Variants in NIPBL observed in about 807,000 individuals in gnomAD.
NIPBL encodes the protein NIPBL cohesin loading factor.
In NIPBL, 19 loss-of-function variants were observed where a neutral mutation model predicts 321.8. The observed-to-expected ratio is 0.06, with a 90% confidence interval of 0.04 to 0.09. The LOEUF (loss-of-function observed/expected upper bound fraction) is 0.09, where lower values mean the gene tolerates loss of function less well. NIPBL is among the 10% of genes least tolerant of loss of function. NIPBL has a pLI of 1.00. For synonymous variants in NIPBL, 1,106 were observed against 1,114.1 expected (o/e 0.99, Z 0.14); for missense variants, 2,210 against 3,327.0 (o/e 0.66, Z 8.26).
intron 1 of NIPBL, among the ~76,000 whole-genome samples, chr5:36,932,591 G>A (rs1200917643): frequency 6.6e-6 from 1 of 151,848 alleles, no homozygotes; most frequent in Non-Finnish European, 1.5e-5. Context: ...AGTGTCTTTT[G>A]TAGAAGTATA....
At chr5:37,055,601 G>T (rs562555939) in intron 42 of NIPBL, among the ~76,000 whole-genome samples, 47 of 152,162 alleles carry the variant, frequency 3.1e-4, no homozygotes, top group African/African-American at 1.1e-3. Context: ...ATGAAGGAAA[G>T]TGTGGGTAAT....
At chr5:36,972,102 C>A in intron 8 of NIPBL, 61 bp downstream of exon 8, 1 of 1,096,872 alleles carries the variant, frequency 9.1e-7, no homozygotes, top group Non-Finnish European at 1.4e-6. Flanking sequence ...ATAAAGAACT[C>A]AGACTTCCTA....
At chr5:37,003,409 C>A (rs993438849) in intron 16 of NIPBL, 62 bp downstream of exon 16, 2 of 906,882 alleles carry the variant, frequency 2.2e-6, no homozygotes, top group African/African-American at 1.6e-5. Context: ...ATAGTAGTCC[C>A]CCACTTCTCT....
At chr5:37,003,165 C>A in intron 15 of NIPBL, 96 bp from the exon 16 acceptor site, 1 of 787,406 alleles carries the variant, frequency 1.3e-6, no homozygotes, top group Non-Finnish European at 2.2e-6. Flanking sequence ...AATGCTATTT[C>A]CTCCATAGCT....
intron 32 of NIPBL, among the ~76,000 whole-genome samples, chr5:37,030,406 C>G (rs1480858944): frequency 6.6e-6 from 1 of 152,058 alleles, no homozygotes; most frequent in Non-Finnish European, 1.5e-5. Flanking sequence ...AGAGACATAA[C>G]TACTCTGAGC....
chr5:36,979,517 C>G (rs1308241953), intron 9 of NIPBL, among the ~76,000 whole-genome samples: 2 of 151,750 alleles, frequency 1.3e-5, no homozygotes, highest in Non-Finnish European at 2.9e-5. Flanking sequence ...AGTATGGGAT[C>G]ATGTCATCAG....
intron 1 of NIPBL, among the ~76,000 whole-genome samples, chr5:36,891,859 A>C (rs994875508): frequency 5.9e-5 from 9 of 152,188 alleles, no homozygotes; most frequent in African/African-American, 1.7e-4. Flanking sequence ...AACAAATATT[A>C]AAGAGTTAAT....
Position 36,940,983 on chromosome 5 carries a change from A to G in NIPBL, c.-79-12635A>G, listed in dbSNP as rs547705323. On this transcript the variant is annotated intron_variant, in intron 1 of 46. Transcript: ENST00000282516. ...CTCTAAGGTCTGTGAGGATATGTCTATTTGGTTTACCACTGTATCCTCAAC... is the reference window on the plus strand; with the variant it reads ...CTCTAAGGTCTGTGAGGATATGTCTGTTTGGTTTACCACTGTATCCTCAAC... Among the ~76,000 whole-genome samples, 38 of 152,252 alleles carry G rather than the reference A, an allele frequency of 2.5e-4. 1 individual carries two copies. The highest frequency in any genetic ancestry group is 2.3e-3 in the East Asian group (12 of 5,178).
intron 1 of NIPBL, among the ~76,000 whole-genome samples, chr5:36,910,541 C>T (rs1157879224): frequency 6.6e-6 from 1 of 152,154 alleles, no homozygotes; most frequent in Non-Finnish European, 1.5e-5. Context: ...TATCCTAGTT[C>T]ACTTCATACC....
Position 37,010,170 on chromosome 5 carries a change from T to C in NIPBL, c.4505T>C (p.Val1502Ala). 1 of 1,610,642 alleles carries C rather than the reference T, an allele frequency of 6.2e-7. No homozygotes were observed. The highest frequency in any genetic ancestry group is 1.3e-5 in the African/African-American group (1 of 74,996). ...ALVLQLIQCV[V>A]HLPSSEKDSN... is the part of the protein sequence containing the mutation. ...GTTTTACAACTTATTCAGTGTGTGGTACACTTACCATCATCAGAGAAGGAC... is the reference window on the plus strand; with the variant it reads ...GTTTTACAACTTATTCAGTGTGTGGCACACTTACCATCATCAGAGAAGGAC... Residue 1502 changes from valine to alanine, a missense_variant, in exon 21 of 47, where the codon GTA (valine) becomes GCA (alanine). Val to Ala is a moderately conservative substitution (Grantham distance 64). Around this residue, in one of 14 missense-constraint regions of NIPBL, gnomAD observed 381 missense variants for 642.3 expected, o/e 0.59. Coordinates refer to ENST00000282516, the MANE Select transcript of NIPBL (RefSeq NM_133433.4).
At chr5:36,913,427 G>A (rs186989571) in intron 1 of NIPBL, among the ~76,000 whole-genome samples, 214 of 139,668 alleles carry the variant, frequency 1.5e-3, no homozygotes, top group Non-Finnish European at 2.5e-3. Context: ...GTCTTGCTCC[G>A]TCTCCCAGGC....
At chr5:37,057,136 G>A (rs777654544) in intron 42 of NIPBL, 50 bp from the exon 43 acceptor site, 1 of 1,603,640 alleles carries the variant, frequency 6.2e-7, no homozygotes, top group South Asian at 1.1e-5. Flanking sequence ...TTTTTGGTTG[G>A]GTTTCTAGAT....
chr5:36,905,633 T>C (rs1474702731), intron 1 of NIPBL, among the ~76,000 whole-genome samples: 2 of 152,200 alleles, frequency 1.3e-5, no homozygotes, highest in African/African-American at 4.8e-5. Flanking sequence ...TATTTATTGG[T>C]TTAATTTATT....
At chr5:36,936,652 A>G (rs1174047708) in intron 1 of NIPBL, among the ~76,000 whole-genome samples, 3 of 152,112 alleles carry the variant, frequency 2.0e-5, no homozygotes, top group South Asian at 4.1e-4. Flanking sequence ...AATTCTCACT[A>G]CCATCCCATT....
At chr5:37,007,974 A>G (rs745320831) in intron 18 of NIPBL, 34 bp from the exon 19 acceptor site, 2 of 1,169,214 alleles carry the variant, frequency 1.7e-6, no homozygotes, top group Non-Finnish European at 2.6e-6. Flanking sequence ...AATCAACTAA[A>G]GGTGTATACT....
In NIPBL at chr5:37,049,250, C is replaced by G. The variant is rs1347092404; in HGVS notation, c.6903C>G (p.Ala2301=). 1 of 1,613,924 alleles carries G rather than the reference C, an allele frequency of 6.2e-7. No homozygotes were observed. Among genetic ancestry groups the G allele is most frequent in the East Asian group, 2.2e-5 (1 of 44,882 alleles). ...FHTQSSVRHF[A]LNVIALTLNQ... The stretch of plus-strand genomic sequence containing the variant: ...CCCAGTCAAGTGTACGCCACTTTGC[C>G]CTAAATGTCATTGCATTGACTCTAA... The change falls in exon 40 of 47, where the codon GCC becomes GCG. Residue 2301 remains alanine, a synonymous_variant. Coordinates refer to ENST00000282516, the MANE Select transcript of NIPBL (RefSeq NM_133433.4).
intron 32 of NIPBL, among the ~76,000 whole-genome samples, chr5:37,029,885 C>T (rs1354548111): frequency 6.6e-6 from 1 of 152,148 alleles, no homozygotes; most frequent in Non-Finnish European, 1.5e-5. Context: ...ATATATTTGG[C>T]ATCATTTCTT....
Position 37,038,708 on chromosome 5 carries a change from T to G in NIPBL, c.6078T>G (p.Thr2026=), listed in dbSNP as rs1221316261. ...AGCTCATGGTTAAACATGCAATGAC[T>G]ATGCAACCATACCTTACCACTAAAT... The part of the protein sequence containing the change: ...RPQLMVKHAM[T]MQPYLTTKCS... Residue 2026 remains threonine, a synonymous_variant, in exon 34 of 47, where the codon ACT becomes ACG. Coordinates refer to ENST00000282516, the MANE Select transcript of NIPBL (RefSeq NM_133433.4). 1.2e-6 allele frequency: 2 copies of G among 1,613,600 alleles called. No individual in the cohort carries two copies. The highest frequency in any genetic ancestry group is 2.7e-5 in the African/African-American group (2 of 74,912).
intron 1 of NIPBL, among the ~76,000 whole-genome samples, chr5:36,940,384 A>G (rs889596762): frequency 1.3e-5 from 2 of 152,184 alleles, no homozygotes; most frequent in Admixed American, 1.3e-4. Flanking sequence ...CTGTCAGGTC[A>G]GGAATGAACT....
Sources: gnomAD v4.1 joint callset for allele counts (sites outside exome capture counted in the v4.1 genomes callset) on GRCh38, gnomAD v4.1.1 for gene constraint, gnomAD v4.1.1 regional missense constraint, MANE v1.5 for transcripts, NCBI Gene and HGNC (gene_info 2026-07-23, HGNC 2026-07-21) for gene names.